ULK4: variants seen among roughly 807,000 people sequenced by gnomAD.
The protein encoded by ULK4 is unc-51 like kinase 4.
In ULK4, 133 loss-of-function variants were observed where a neutral mutation model predicts 160.6. The ratio of observed to expected loss-of-function variants is 0.83; its 90% CI spans 0.72 to 0.96. ULK4 has a LOEUF of 0.96. Ranked by LOEUF, ULK4 falls within the 40% of genes least tolerant of loss-of-function variation. ULK4 has a pLI of 0.00. For synonymous variants in ULK4, 534 were observed against 539.8 expected (o/e 0.99, Z 0.15); for missense variants, 1,580 against 1,499.5 (o/e 1.05, Z -0.89).
In ULK4 at chr3:41,903,403, G is replaced by A. The variant is rs756735378; in HGVS notation, c.1183-2574C>T. Among the ~76,000 whole-genome samples, 44 of 152,066 alleles carry A rather than the reference G, an allele frequency of 2.9e-4. 1 individual carries two copies. Among genetic ancestry groups the A allele is most frequent in the Admixed American group, 6.5e-5 (1 of 15,276 alleles). ...AATTCGAGACCAGTCTGGCCAAAAT[G>A]GTGAAACCCCATCTGTCCTAAAAAT... On this transcript the variant is annotated intron_variant, in intron 12 of 36. Coordinates refer to ENST00000301831, the MANE Select transcript of ULK4 (RefSeq NM_017886.4).
At chr3:41,617,775 TAC>T (rs2033048737) in intron 30 of ULK4, among the ~76,000 whole-genome samples, 1 of 152,102 alleles carries the variant, frequency 6.6e-6, no homozygotes, top group African/African-American at 2.4e-5. Flanking sequence ...GAATAAGTTT[TAC>T]AAATTAACAG....
At chr3:41,564,005 C>A (rs1452530726) in intron 32 of ULK4, among the ~76,000 whole-genome samples, 1 of 152,158 alleles carries the variant, frequency 6.6e-6, no homozygotes, top group East Asian at 1.9e-4. Flanking sequence ...GTTTTATCTA[C>A]CTTTGTTCTT....
At chr3:41,506,442 A>T (rs1052552597) in intron 32 of ULK4, among the ~76,000 whole-genome samples, 2 of 152,122 alleles carry the variant, frequency 1.3e-5, no homozygotes, top group Non-Finnish European at 2.9e-5. Flanking sequence ...GAAGTTGACA[A>T]TAATTCATCT....
intron 11 of ULK4, 51 bp downstream of exon 11, chr3:41,911,266 G>T: frequency 6.3e-7 from 1 of 1,578,662 alleles, no homozygotes; most frequent in South Asian, 1.1e-5. Flanking sequence ...GATGCTTTAA[G>T]AAAATTTAAC....
At chr3:41,494,044 A>G (rs1318730613) in intron 32 of ULK4, among the ~76,000 whole-genome samples, 1 of 137,378 alleles carries the variant, frequency 7.3e-6, no homozygotes, top group African/African-American at 2.7e-5. Context: ...ATTCCAATCA[A>G]TAGAAAAAGA....
intron 21 of ULK4, among the ~76,000 whole-genome samples, chr3:41,786,317 C>T (rs1206736521): frequency 6.6e-6 from 1 of 152,156 alleles, no homozygotes; most frequent in Non-Finnish European, 1.5e-5. Flanking sequence ...AGTAAACATT[C>T]AGGGCCAGGA....
intron 17 of ULK4, among the ~76,000 whole-genome samples, chr3:41,837,415 A>G (rs1226558922): frequency 6.6e-6 from 1 of 152,124 alleles, no homozygotes; most frequent in Non-Finnish European, 1.5e-5. Flanking sequence ...CCAGAAAGCC[A>G]TCAATTTACT....
rs980138896 is a variant in ULK4, at chr3:41,732,848, C to T, written c.2322-14987G>A. Among the ~76,000 whole-genome samples the T allele has an allele frequency of 8.6e-5, 13 of 152,026 alleles. No homozygotes were observed. The East Asian group carries it at 9.7e-4, about 11-fold the overall frequency. On this transcript the variant is annotated intron_variant, in intron 22 of 36. Coordinates refer to ENST00000301831, the MANE Select transcript of ULK4 (RefSeq NM_017886.4). ...ACATGAATAGAACTGGAGGGCATTA[C>T]GTTAAGTGAAATAATCCAGGCATGA...
At chr3:41,409,895 G>A (rs575119849) in intron 34 of ULK4, among the ~76,000 whole-genome samples, 111 of 151,920 alleles carry the variant, frequency 7.3e-4, no homozygotes, top group Non-Finnish European at 1.3e-3. Flanking sequence ...GTTGCAGTGA[G>A]CAGAGATCAC....
At chr3:41,280,164 C>T (rs1458231256) in intron 35 of ULK4, among the ~76,000 whole-genome samples, 1 of 152,072 alleles carries the variant, frequency 6.6e-6, no homozygotes, top group Non-Finnish European at 1.5e-5. Flanking sequence ...TAAAGCAAGT[C>T]CTTAGAGACC....
intron 2 of ULK4, among the ~76,000 whole-genome samples, chr3:41,954,177 A>T (rs1700400898): frequency 2.7e-4 from 1 of 3,722 alleles, no homozygotes; most frequent in Admixed American, 0.016. Flanking sequence ...ACTCCGTCTT[A>T]AAAAAAAAAA....
chr3:41,412,768 C>T lies in ULK4; in HGVS notation c.3493-14504G>A, dbSNP rs1034213240. Reference sequence around the variant, plus strand: ...TAGAGACGGGGTTTTGCCATGTTGCCCAGGTTGGTCTCGAACTCCTGGCCT... The same window carrying T: ...TAGAGACGGGGTTTTGCCATGTTGCTCAGGTTGGTCTCGAACTCCTGGCCT... On this transcript the variant is annotated intron_variant, in intron 34 of 36. Transcript: ENST00000301831. Among the ~76,000 whole-genome samples, 4 of 151,632 alleles carry T rather than the reference C, an allele frequency of 2.6e-5. No homozygotes were observed. The East Asian group carries it at 7.7e-4, about 29-fold the overall frequency.
rs370859993 is a variant in ULK4, at chr3:41,292,034, C to T, written c.3679-42460G>A. On this transcript the variant is annotated intron_variant, in intron 35 of 36. Coordinates refer to ENST00000301831, the MANE Select transcript of ULK4 (RefSeq NM_017886.4). Reference sequence around the variant, plus strand: ...TTTTTTAGTAGAGACGGGGTTTCACCGTGTTAGCCAGGATGGTCTCGATCT... The same window carrying T: ...TTTTTTAGTAGAGACGGGGTTTCACTGTGTTAGCCAGGATGGTCTCGATCT... 1.6e-4 allele frequency among the ~76,000 whole-genome samples: 24 copies of T among 151,972 alleles called. No homozygotes were observed. The East Asian group carries it at 3.3e-3, about 21-fold the overall frequency.
chr3:41,267,023 G>GC (rs1300792343), intron 35 of ULK4, among the ~76,000 whole-genome samples: 1 of 144,838 alleles, frequency 6.9e-6, no homozygotes, highest in African/African-American at 2.5e-5. Context: ...TCTATTGGGG[G>GC]GGGGGGGTTT....
intron 34 of ULK4, among the ~76,000 whole-genome samples, chr3:41,441,756 T>C (rs1260632722): frequency 3.3e-5 from 5 of 152,148 alleles, no homozygotes; most frequent in Non-Finnish European, 2.9e-5. Flanking sequence ...TGATTTTCTT[T>C]CATCTCTTCT....
chr3:41,556,511 A>T (rs2087307844), intron 32 of ULK4, among the ~76,000 whole-genome samples: 1 of 63,604 alleles, frequency 1.6e-5, no homozygotes, highest in South Asian at 4.3e-4. Flanking sequence ...TTTTTTTGAC[A>T]GAGTCTCGCT....
chr3:41,722,783 C>G (rs996144129), intron 22 of ULK4, among the ~76,000 whole-genome samples: 1 of 152,196 alleles, frequency 6.6e-6, no homozygotes, highest in Non-Finnish European at 1.5e-5. Context: ...GTTTTGTCTT[C>G]ATTAAACATG....
intron 34 of ULK4, among the ~76,000 whole-genome samples, chr3:41,435,442 C>G (rs1246075503): frequency 6.6e-6 from 1 of 152,160 alleles, no homozygotes; most frequent in Non-Finnish European, 1.5e-5. Context: ...ATATCTGTTT[C>G]TAGGAAGGAT....
Position 41,398,266 on chromosome 3 carries a change from T to C in ULK4, c.3493-2A>G. ...AATCTCAGGATCTTCATTAGGAAGC[T>C]GAAAATTAACAAATAAGACTATTTA... On this transcript the variant is annotated splice_acceptor_variant, in intron 34 of 36. Coordinates refer to ENST00000301831, the MANE Select transcript of ULK4 (RefSeq NM_017886.4). LOFTEE classifies it high-confidence loss of function. The C allele has an allele frequency of 6.2e-7, 1 of 1,610,660 alleles. No homozygotes were observed. Among genetic ancestry groups the C allele is most frequent in the Non-Finnish European group, 8.5e-7 (1 of 1,178,934 alleles).
Sources: allele counts gnomAD v4.1 joint callset (sites outside exome capture counted in the v4.1 genomes callset), GRCh38; gene constraint gnomAD v4.1.1; transcripts MANE v1.5; gene names NCBI Gene and HGNC (gene_info 2026-07-23, HGNC 2026-07-21).